The following CSMD3 variants were observed in gnomAD, a reference collection of about 807,000 sequenced individuals.
The protein encoded by CSMD3 is CUB and Sushi multiple domains 3.
CSMD3 carries 177 observed loss-of-function variants against 435.2 expected under a neutral mutation model. The observed-to-expected ratio is 0.41, with a 90% CI of 0.36 to 0.46. CSMD3 has a LOEUF of 0.46. Ranked by LOEUF, CSMD3 falls within the 20% of genes least tolerant of loss-of-function variation. The probability of loss-of-function intolerance (pLI) is 0.34; values close to 1 mark genes in which losing one functional copy is unlikely to be tolerated. For synonymous variants in CSMD3, 1,656 were observed against 1,520.5 expected (o/e 1.09, Z -2.07); for missense variants, 4,265 against 4,504.6 (o/e 0.95, Z 1.52).
chr8:113,343,702 T>G (rs1471264493), intron 1 of CSMD3, among the ~76,000 whole-genome samples: 1 of 152,070 alleles, frequency 6.6e-6, no homozygotes, highest in East Asian at 1.9e-4. Flanking sequence ...GAGAAAAATA[T>G]GTACGTTACT....
intron 61 of CSMD3, among the ~76,000 whole-genome samples, chr8:112,261,723 A>G (rs1816418092): frequency 6.6e-6 from 1 of 152,016 alleles, no homozygotes; most frequent in African/African-American, 2.4e-5. Context: ...AACTTTACTA[A>G]ATAATACCAA....
intron 13 of CSMD3, among the ~76,000 whole-genome samples, chr8:112,718,823 T>C (rs957834482): frequency 1.3e-5 from 2 of 152,060 alleles, no homozygotes; most frequent in Admixed American, 6.6e-5. Context: ...ACCTTGTCTA[T>C]TTTGTCTTCT....
chr8:112,623,075 A>G (rs1834203223), intron 22 of CSMD3, among the ~76,000 whole-genome samples: 2 of 152,232 alleles, frequency 1.3e-5, no homozygotes, highest in South Asian at 4.1e-4. Context: ...CTTCAGAACA[A>G]CATAGAAAAA....
intron 4 of CSMD3, among the ~76,000 whole-genome samples, chr8:113,136,239 G>A (rs891974835): frequency 6.6e-6 from 1 of 151,564 alleles, no homozygotes; most frequent in Non-Finnish European, 1.5e-5. Context: ...GTAAGTATTT[G>A]ATACCAAGCA....
At chr8:113,174,950 T>C (rs1167374508) in intron 3 of CSMD3, among the ~76,000 whole-genome samples, 3 of 151,844 alleles carry the variant, frequency 2.0e-5, no homozygotes, top group African/African-American at 7.2e-5. Flanking sequence ...ATTAAGACTA[T>C]ATGGGAACTA....
chr8:112,793,109 CAT>C lies in CSMD3; in HGVS notation c.1972+7051_1972+7052del, dbSNP rs375267189. The stretch of plus-strand genomic sequence containing the variant: ...TACTGTGTGTATATAAATATGTAAA[CAT>C]ATTTATATTGCTAATATATTAATTT... On this transcript the variant is annotated intron_variant, in intron 13 of 70. Coordinates refer to ENST00000297405, the MANE Select transcript of CSMD3 (RefSeq NM_198123.2). Among the ~76,000 whole-genome samples the C allele has an allele frequency of 3.1e-4, 46 of 147,664 alleles. No individual in the cohort carries two copies. The East Asian group carries it at 7.7e-3, about 25-fold the overall frequency.
At chr8:112,694,070 C>CTTG (rs1237635802) in intron 13 of CSMD3, among the ~76,000 whole-genome samples, 1 of 118,402 alleles carries the variant, frequency 8.4e-6, no homozygotes, top group Non-Finnish European at 1.8e-5. Flanking sequence ...TCTTTTTTTC[C>CTTG]ATAAATACAA....
chr8:112,262,777 T>C (rs567899046), intron 61 of CSMD3, among the ~76,000 whole-genome samples: 1 of 151,166 alleles, frequency 6.6e-6, no homozygotes, highest in East Asian at 2.0e-4. Flanking sequence ...AAGGGGTGAG[T>C]AGTAAGATAT....
At chr8:112,641,462 T>C (rs747753762) in intron 20 of CSMD3, among the ~76,000 whole-genome samples, 3 of 152,080 alleles carry the variant, frequency 2.0e-5, no homozygotes, top group Non-Finnish European at 4.4e-5. Context: ...AACTGGTTAA[T>C]ACAACTCAAT....
chr8:112,413,316 GGT>G (rs1309732399), intron 32 of CSMD3, among the ~76,000 whole-genome samples: 2 of 152,112 alleles, frequency 1.3e-5, no homozygotes, highest in Non-Finnish European at 2.9e-5. Flanking sequence ...AAGATTGAGA[GGT>G]AGGGTTCCAT....
rs185134413 is a variant in CSMD3, at chr8:113,425,117, A to C, written c.178+11560T>G. ...AATTGATAGCTGAAGGAATGTCTCA[A>C]AGAGTTCTAGAACTGATAAGTAACC... On this transcript the variant is annotated intron_variant, in intron 1 of 70. Transcript: ENST00000297405. Among the ~76,000 whole-genome samples the C allele has an allele frequency of 4.6e-3, 701 of 151,610 alleles. 9 individuals carry two copies. Among genetic ancestry groups the C allele is most frequent in the African/African-American group, 0.016 (666 of 41,526 alleles).
intron 5 of CSMD3, among the ~76,000 whole-genome samples, chr8:113,060,920 T>C (rs2088585383): frequency 6.6e-6 from 1 of 152,194 alleles, no homozygotes; most frequent in African/African-American, 2.4e-5. Flanking sequence ...CCAACACCAA[T>C]AATACCCTTG....
chr8:112,408,184 G>A, intron 34 of CSMD3, 134 bp downstream of exon 34: 1 of 696,376 alleles, frequency 1.4e-6, no homozygotes, highest in Non-Finnish European at 2.6e-6. Flanking sequence ...GTGATCTAGT[G>A]ATGGTGGAGG....
chr8:113,001,921 T>C (rs1191710323), intron 6 of CSMD3, among the ~76,000 whole-genome samples: 1 of 151,984 alleles, frequency 6.6e-6, no homozygotes, highest in Non-Finnish European at 1.5e-5. Context: ...AATAAATATA[T>C]GGATGGATGA....
intron 22 of CSMD3, among the ~76,000 whole-genome samples, chr8:112,629,906 C>T (rs142491243): frequency 7.2e-5 from 11 of 152,282 alleles, no homozygotes; most frequent in East Asian, 5.8e-4. Context: ...TCATCTTCCT[C>T]GCAGATTCAC....
intron 1 of CSMD3, among the ~76,000 whole-genome samples, chr8:113,388,303 A>C (rs2094447809): frequency 6.6e-6 from 1 of 151,598 alleles, no homozygotes; most frequent in African/African-American, 2.4e-5. Context: ...TATAATGGAG[A>C]TATAGGATAT....
At chr8:112,902,520 A>G (rs1202004007) in intron 10 of CSMD3, among the ~76,000 whole-genome samples, 1 of 151,256 alleles carries the variant, frequency 6.6e-6, no homozygotes, top group Non-Finnish European at 1.5e-5. Context: ...TCATAGAGAT[A>G]CTTCTAAATA....
At chr8:112,413,059 C>T (rs1385517024) in intron 32 of CSMD3, among the ~76,000 whole-genome samples, 1 of 152,110 alleles carries the variant, frequency 6.6e-6, no homozygotes, top group Admixed American at 6.6e-5. Context: ...TTCTCGACCA[C>T]ATTTTTAATA....
intron 4 of CSMD3, among the ~76,000 whole-genome samples, chr8:113,127,023 TG>T (rs2091152950): frequency 6.6e-6 from 1 of 152,130 alleles, no homozygotes; most frequent in African/African-American, 2.4e-5. Flanking sequence ...CCACACCAGG[TG>T]ACAATTTCTA....
Sources: gnomAD v4.1 joint callset for allele counts (sites outside exome capture counted in the v4.1 genomes callset) on GRCh38, gnomAD v4.1.1 for gene constraint, MANE v1.5 for transcripts, NCBI Gene and HGNC (gene_info 2026-07-23, HGNC 2026-07-21) for gene names.